The following MAP2 variants were observed in gnomAD, a reference collection of about 807,000 sequenced individuals.
The protein encoded by MAP2 is microtubule associated protein 2.
In MAP2, 14 loss-of-function variants were observed where a neutral mutation model predicts 137.6. The observed-to-expected ratio is 0.10, with a 90% CI of 0.07 to 0.16. The LOEUF (loss-of-function observed/expected upper bound fraction) is 0.16. MAP2 is among the 10% of genes least tolerant of loss of function. The probability of loss-of-function intolerance (pLI) is 1.00; values close to 1 mark genes in which losing one functional copy is unlikely to be tolerated. For synonymous variants in MAP2, 786 were observed against 782.3 expected (o/e 1.00, Z -0.08); for missense variants, 2,088 against 2,191.5 (o/e 0.95, Z 0.94).
chr2:209,515,687 G>T (rs1239721045), intron 2 of MAP2, among the ~76,000 whole-genome samples: 1 of 152,112 alleles, frequency 6.6e-6, no homozygotes, highest in East Asian at 1.9e-4. Context: ...GGGACACAGA[G>T]GCAAACCATA....
At chr2:209,659,407 A>G (rs993529167) in intron 5 of MAP2, among the ~76,000 whole-genome samples, 1 of 152,176 alleles carries the variant, frequency 6.6e-6, no homozygotes, top group Non-Finnish European at 1.5e-5. Context: ...CACAGTAGAT[A>G]ATATGACTAC....
chr2:209,680,686 T>A (rs2054188893), intron 6 of MAP2, 64 bp from the exon 7 acceptor site: 1 of 1,378,882 alleles, frequency 7.3e-7, no homozygotes, highest in African/African-American at 1.4e-5. Context: ...CAGAACTTCC[T>A]ACACATCTAC....
chr2:209,692,640 C>T lies in MAP2; in HGVS notation c.470C>T (p.Ser157Leu), dbSNP rs1439637960. 3.2e-6 allele frequency: 5 copies of T among 1,579,818 alleles called. No homozygotes were observed. Among genetic ancestry groups the T allele is most frequent in the East Asian group, 2.2e-5 (1 of 44,448 alleles). Residue 157 changes from serine to leucine, a missense_variant, in exon 8 of 16, where the codon TCG becomes TTG. This residue lies in a region of MAP2 where 859 missense variants were observed against 794.5 expected (regional missense o/e 1.08). Transcript: ENST00000682079. ...ATTACTTCAGATTTACTTACAGCCTCGAAGATGGAGTTCCACGATCAACAG... is the reference window on the plus strand; with the variant it reads ...ATTACTTCAGATTTACTTACAGCCTTGAAGATGGAGTTCCACGATCAACAG... The part of the protein sequence containing the change: ...VTVEEDLLTA[S>L]KMEFHDQQEL...
At chr2:209,575,285 G>A (rs1344125262) in intron 2 of MAP2, among the ~76,000 whole-genome samples, 1 of 151,976 alleles carries the variant, frequency 6.6e-6, no homozygotes, top group Non-Finnish European at 1.5e-5. Flanking sequence ...ACTTTGGGAG[G>A]CCAAGGCGGG....
intron 3 of MAP2, among the ~76,000 whole-genome samples, chr2:209,581,876 G>A (rs572210681): frequency 3.3e-5 from 5 of 152,072 alleles, no homozygotes; most frequent in African/African-American, 4.8e-5. Context: ...AATTTTGGAG[G>A]ACCAGTTAAA....
At chr2:209,438,147 T>G (rs1002787190) in intron 1 of MAP2, among the ~76,000 whole-genome samples, 32 of 151,478 alleles carry the variant, frequency 2.1e-4, no homozygotes, top group African/African-American at 7.3e-4. Context: ...GAAAAGATGG[T>G]GTTGTACTTT....
At chr2:209,708,058 G>A (rs2064035207) in intron 12 of MAP2, among the ~76,000 whole-genome samples, 2 of 152,072 alleles carry the variant, frequency 1.3e-5, no homozygotes, top group Admixed American at 1.3e-4. Context: ...AAAAATACAG[G>A]GATGATCCCT....
intron 1 of MAP2, among the ~76,000 whole-genome samples, chr2:209,438,638 G>A (rs1696968515): frequency 6.6e-6 from 1 of 151,418 alleles, no homozygotes; most frequent in South Asian, 2.1e-4. Flanking sequence ...ATTGAGCTGA[G>A]GAGCCCTGGT....
chr2:209,652,253 A>G (rs1418224152), intron 4 of MAP2, among the ~76,000 whole-genome samples: 8 of 152,320 alleles, frequency 5.3e-5, no homozygotes, highest in Admixed American at 1.3e-4. Flanking sequence ...ATCCTTTGCT[A>G]TAATTTACAA....
At chr2:209,467,878 G>A (rs1188487403) in intron 1 of MAP2, among the ~76,000 whole-genome samples, 1 of 152,066 alleles carries the variant, frequency 6.6e-6, no homozygotes, top group Non-Finnish European at 1.5e-5. Context: ...CTCATAGGTT[G>A]GTATGACGAT....
rs112484433 is a variant in MAP2 at position 209,557,571 on chromosome 2, T to C, written c.-171-22465T>C. Among the ~76,000 whole-genome samples the C allele has an allele frequency of 4.1e-4, 62 of 152,318 alleles. 1 individual carries two copies. Among genetic ancestry groups the C allele is most frequent in the African/African-American group, 1.5e-3 (61 of 41,582 alleles). ...CATCACTGGAAGACTCATCAAGGCA[T>C]TCTTCCAAGTGGGTTTACAAGTACC... On this transcript the variant is annotated intron_variant, in intron 2 of 15. Coordinates refer to ENST00000682079, the MANE Select transcript of MAP2 (RefSeq NM_001375505.1).
chr2:209,729,133 C>G (rs1310405152), intron 14 of MAP2, among the ~76,000 whole-genome samples: 1 of 152,168 alleles, frequency 6.6e-6, no homozygotes, highest in African/African-American at 2.4e-5. Flanking sequence ...ATCAGCAGAT[C>G]AGAGTTCTAG....
intron 12 of MAP2, among the ~76,000 whole-genome samples, chr2:209,706,649 G>C (rs894669808): frequency 6.6e-6 from 1 of 151,874 alleles, no homozygotes; most frequent in Non-Finnish European, 1.5e-5. Context: ...ACATTTATTG[G>C]GAGGAAATAG....
intron 5 of MAP2, among the ~76,000 whole-genome samples, chr2:209,655,709 A>G (rs776044425): frequency 2.6e-5 from 4 of 152,180 alleles, no homozygotes; most frequent in Non-Finnish European, 5.9e-5. Context: ...TGATGTGATT[A>G]TTTTAAAAAG....
chr2:209,720,611 C>G (rs1262223069), intron 13 of MAP2, among the ~76,000 whole-genome samples: 2 of 137,498 alleles, frequency 1.5e-5, no homozygotes, highest in Non-Finnish European at 1.5e-5. Flanking sequence ...TGCACTCCAG[C>G]CTGGGTGACA....
chr2:209,696,245 G>A lies in MAP2; in HGVS notation c.4075G>A (p.Val1359Ile). 1 of 1,613,206 alleles carries A rather than the reference G, an allele frequency of 6.2e-7. No individual in the cohort carries two copies. Among genetic ancestry groups the A allele is most frequent in the Admixed American group, 1.7e-5 (1 of 59,778 alleles). ...EAPASPEREE[V>I]ALSEYKTETY... The stretch of plus-strand genomic sequence containing the variant: ...TCCAGCTTCCCCTGAGAGAGAAGAG[G>A]TTGCACTTTCTGAATATAAGACAGA... The change falls in exon 8 of 16, where the codon GTT becomes ATT. Residue 1359 changes from valine (V) to isoleucine (I), a missense_variant. Val to Ile is a conservative substitution (Grantham distance 29). Around this residue, in one of 6 missense-constraint regions of MAP2, gnomAD observed 591 missense variants for 642.6 expected, o/e 0.92. Transcript: ENST00000682079.
chr2:209,431,944 G>A (rs1559153303), intron 1 of MAP2, among the ~76,000 whole-genome samples: 1 of 152,100 alleles, frequency 6.6e-6, no homozygotes, highest in African/African-American at 2.4e-5. Flanking sequence ...TACTGCTCCA[G>A]GGCCATTCCT....
intron 6 of MAP2, among the ~76,000 whole-genome samples, chr2:209,680,149 A>C (rs62214984): frequency 6.6e-6 from 1 of 152,124 alleles, no homozygotes; most frequent in African/African-American, 2.4e-5. Flanking sequence ...TTTACTCAGC[A>C]TATGGTTTTT....
chr2:209,621,870 A>G (rs2091290793), intron 3 of MAP2, among the ~76,000 whole-genome samples: 1 of 152,184 alleles, frequency 6.6e-6, no homozygotes, highest in Non-Finnish European at 1.5e-5. Flanking sequence ...GCCTAAGCAC[A>G]TTGCATGCAT....
Sources: allele counts gnomAD v4.1 joint callset (sites outside exome capture counted in the v4.1 genomes callset), GRCh38; gene constraint gnomAD v4.1.1; regional missense constraint gnomAD v4.1.1; transcripts MANE v1.5; gene names NCBI Gene and HGNC (gene_info 2026-07-23, HGNC 2026-07-21).